Variants in SH3RF3 observed in about 807,000 individuals in gnomAD.
SH3RF3 encodes SH3 domain containing ring finger 3.
A neutral mutation model predicts 66.3 loss-of-function variants in SH3RF3; 29 were observed. That is an observed-to-expected ratio of 0.44 (90% CI 0.33 to 0.60). The LOEUF is 0.60. SH3RF3 is among the 20% of genes least tolerant of loss of function. SH3RF3 has a pLI of 0.04. For missense variants in SH3RF3, 1,194 were observed against 1,190.9 expected (o/e 1.00, Z -0.04); for synonymous variants, 583 against 532.0 (o/e 1.10, Z -1.32).
At chr2:109,193,198 C>T (rs540715597) in intron 1 of SH3RF3, among the ~76,000 whole-genome samples, 1 of 152,240 alleles carries the variant, frequency 6.6e-6, no homozygotes. Context: ...GGCAAATTGT[C>T]TGCCCTTCCT....
intron 1 of SH3RF3, among the ~76,000 whole-genome samples, chr2:109,276,090 A>G (rs1680750953): frequency 6.6e-6 from 1 of 152,120 alleles, no homozygotes; most frequent in Admixed American, 6.5e-5. Flanking sequence ...CTTCCCAGGA[A>G]GGGGGATCTC....
chr2:109,141,879 G>C (rs1434700826), intron 1 of SH3RF3, among the ~76,000 whole-genome samples: 1 of 152,096 alleles, frequency 6.6e-6, no homozygotes, highest in South Asian at 2.1e-4. Context: ...GTGCCAGTCT[G>C]CTGTCGGCTG....
chr2:109,385,944 C>T (rs576665360), intron 3 of SH3RF3, among the ~76,000 whole-genome samples: 6 of 152,322 alleles, frequency 3.9e-5, no homozygotes, highest in African/African-American at 1.2e-4. Context: ...CACAGTGCAT[C>T]TGTTCACCTG....
chr2:109,496,145 C>T (rs1159120974), intron 9 of SH3RF3, among the ~76,000 whole-genome samples: 3 of 152,226 alleles, frequency 2.0e-5, no homozygotes, highest in Admixed American at 1.3e-4. Flanking sequence ...TTTCCATCCT[C>T]CCTGTGATTG....
chr2:109,258,941 G>T (rs1680286523), intron 1 of SH3RF3, among the ~76,000 whole-genome samples: 1 of 152,182 alleles, frequency 6.6e-6, no homozygotes, highest in Admixed American at 6.5e-5. Context: ...CTGTCCTGCT[G>T]CTTCCCCAGA....
chr2:109,446,262 T>C (rs145081966), intron 7 of SH3RF3, among the ~76,000 whole-genome samples: 21 of 152,256 alleles, frequency 1.4e-4, no homozygotes, highest in Non-Finnish European at 3.1e-4. Flanking sequence ...GGAAGTGACA[T>C]GGCTGGGGTT....
chr2:109,364,469 A>C (rs1317193514), intron 2 of SH3RF3, among the ~76,000 whole-genome samples: 1 of 152,154 alleles, frequency 6.6e-6, no homozygotes, highest in African/African-American at 2.4e-5. Flanking sequence ...CCACATCTCA[A>C]TCTGGTTCTG....
intron 4 of SH3RF3, among the ~76,000 whole-genome samples, chr2:109,404,341 G>A (rs1351469475): frequency 6.6e-6 from 1 of 152,226 alleles, no homozygotes; most frequent in African/African-American, 2.4e-5. Context: ...TGTGTAAGGT[G>A]AGCTCGAGGC....
Position 109,188,376 on chromosome 2 carries a change from G to C in SH3RF3, c.573+58263G>C, listed in dbSNP as rs1017933216. Among the ~76,000 whole-genome samples, 19 of 152,184 alleles carry C rather than the reference G, an allele frequency of 1.2e-4. 1 individual carries two copies. Among genetic ancestry groups the C allele is most frequent in the Admixed American group, 5.9e-4 (9 of 15,286 alleles). On this transcript the variant is annotated intron_variant, in intron 1 of 9. Coordinates refer to ENST00000309415, the MANE Select transcript of SH3RF3 (RefSeq NM_001099289.3). ...TCCTCACAGTGATCACCACCTCCAGGGTTGCATGGGAGGCTGCTGCTCAGC... is the reference window on the plus strand; with the variant it reads ...TCCTCACAGTGATCACCACCTCCAGCGTTGCATGGGAGGCTGCTGCTCAGC...
intron 8 of SH3RF3, among the ~76,000 whole-genome samples, chr2:109,456,277 G>A (rs972423452): frequency 1.3e-5 from 2 of 152,250 alleles, no homozygotes; most frequent in African/African-American, 4.8e-5. Flanking sequence ...GAGCACCGGC[G>A]ACTCCAGGTC....
intron 1 of SH3RF3, among the ~76,000 whole-genome samples, chr2:109,346,774 G>A (rs577227549): frequency 1.3e-5 from 2 of 152,326 alleles, no homozygotes; most frequent in African/African-American, 2.4e-5. Context: ...GTTTGAGACC[G>A]AGGATGGCAG....
At chr2:109,219,534 C>T (rs141767688) in intron 1 of SH3RF3, among the ~76,000 whole-genome samples, 12 of 152,040 alleles carry the variant, frequency 7.9e-5, no homozygotes, top group Middle Eastern at 3.4e-3. Flanking sequence ...GCAGATGATA[C>T]GATCTTATGC....
rs374638511 is a variant in SH3RF3, at chr2:109,223,805, A to G, written c.573+93692A>G. Among the ~76,000 whole-genome samples the G allele has an allele frequency of 1.4e-4, 22 of 152,330 alleles. No individual in the cohort carries two copies. The East Asian group carries it at 1.7e-3, about 12-fold the overall frequency. On this transcript the variant is annotated intron_variant, in intron 1 of 9. Transcript: ENST00000309415. ...TGCTCCTGGCACATGAAAGTGTTCA[A>G]TACATGTTTGTGCAGAAAGTGAAAT...
At chr2:109,185,469 A>G (rs780282342) in intron 1 of SH3RF3, among the ~76,000 whole-genome samples, 15 of 152,262 alleles carry the variant, frequency 9.9e-5, no homozygotes, top group Non-Finnish European at 1.6e-4. Context: ...AAATAAACTC[A>G]GGACATCACA....
rs1249739773 is a variant in SH3RF3, at chr2:109,501,842, C to T, written c.*171C>T. The T allele has an allele frequency of 5.1e-6, 3 of 585,410 alleles. No homozygotes were observed. The highest frequency in any genetic ancestry group is 9.1e-6 in the Non-Finnish European group (3 of 328,522). The allele number at this position is 585,410 out of a possible 1,614,324, so 36.3% of individuals were successfully genotyped here. On this transcript the variant is annotated 3_prime_UTR_variant, in exon 10 of 10. Transcript: ENST00000309415. ...CCAGGGACTGTGGAGGTCGTGCCTT[C>T]TCCCAAAACCCCCAAACGGAGAGCA...
At chr2:109,143,466 G>C (rs561693792) in intron 1 of SH3RF3, among the ~76,000 whole-genome samples, 1 of 152,262 alleles carries the variant, frequency 6.6e-6, no homozygotes, top group East Asian at 1.9e-4. Context: ...CAGTGGGCTG[G>C]GTGCAGTGGC....
At chr2:109,284,214 C>T (rs2105349547) in intron 1 of SH3RF3, among the ~76,000 whole-genome samples, 1 of 152,228 alleles carries the variant, frequency 6.6e-6, no homozygotes, top group Admixed American at 6.5e-5. Context: ...GTGGTGTGAC[C>T]CTCAGGAATT....
chr2:109,347,788 C>G lies in SH3RF3; in HGVS notation c.688C>G (p.Gln230Glu), dbSNP rs1379608436. 1 of 1,614,012 alleles carries G rather than the reference C, an allele frequency of 6.2e-7. No individual in the cohort carries two copies. Among genetic ancestry groups the G allele is most frequent in the Non-Finnish European group, 8.5e-7 (1 of 1,179,876 alleles). ...CGTCCTGCGGCGCAAGGTGGATGAA[C>G]AGTGGTACCACGGCGAGCTGCACGG... ...IIVLRRKVDEQWYHGELHGTQ... is the reference protein window; with the variant it reads ...IIVLRRKVDEEWYHGELHGTQ... The change falls in exon 2 of 10, where the codon CAG (glutamine) becomes GAG (glutamate). Residue 230 changes from glutamine (Q) to glutamate (E), a missense_variant. Physicochemically the swap from Gln to Glu is conservative, Grantham distance 29 (BLOSUM62 2). Coordinates refer to ENST00000309415, the MANE Select transcript of SH3RF3 (RefSeq NM_001099289.3).
intron 8 of SH3RF3, among the ~76,000 whole-genome samples, chr2:109,457,903 G>A (rs904068384): frequency 3.3e-5 from 5 of 152,254 alleles, no homozygotes; most frequent in East Asian, 1.9e-4. Flanking sequence ...TCAGCATGGC[G>A]GGGCATCTCT....
Sources: gnomAD v4.1 joint callset for allele counts (sites outside exome capture counted in the v4.1 genomes callset) on GRCh38, gnomAD v4.1.1 for gene constraint, MANE v1.5 for transcripts, NCBI Gene and HGNC (gene_info 2026-07-23, HGNC 2026-07-21) for gene names.